The following SYNPO2 variants were observed in gnomAD, a reference collection of about 807,000 sequenced individuals.
SYNPO2 encodes the protein synaptopodin 2.
Under a neutral mutation model 85.0 loss-of-function variants are expected in SYNPO2, and 56 were observed. The ratio of observed to expected loss-of-function variants is 0.66; its 90% CI spans 0.53 to 0.82. SYNPO2 has a LOEUF of 0.82. Among genes scored for constraint, SYNPO2 ranks in the 40% least tolerant of loss-of-function variants. The pLI, the probability that SYNPO2 is intolerant of heterozygous loss-of-function variation, is 0.00. For synonymous variants in SYNPO2, 602 were observed against 591.1 expected, an observed-to-expected ratio of 1.02 and a Z score of -0.27; for missense variants, 1,575 against 1,534.2, an observed-to-expected ratio of 1.03 and a Z score of -0.44.
intron 1 of SYNPO2, among the ~76,000 whole-genome samples, chr4:118,892,054 A>T (rs1439583926): frequency 6.6e-6 from 1 of 152,186 alleles, no homozygotes; most frequent in East Asian, 1.9e-4. Flanking sequence ...TAAAAAATTG[A>T]ATAACTTTAT....
At chr4:119,007,971 T>C (rs1375606158) in intron 1 of SYNPO2, among the ~76,000 whole-genome samples, 1 of 152,184 alleles carries the variant, frequency 6.6e-6, no homozygotes, top group Non-Finnish European at 1.5e-5. Context: ...AGATACATTA[T>C]TATTTTCCAG....
chr4:119,031,887 G>A lies in SYNPO2; in HGVS notation c.3112G>A (p.Ala1038Thr). 6.2e-7 allele frequency: 1 copy of A among 1,614,136 alleles called. No individual in the cohort carries two copies. The change falls in exon 4 of 5, where the codon GCA (alanine) becomes ACA (threonine). Residue 1038 changes from alanine to threonine, a missense_variant. This residue lies in a region of SYNPO2 where 1,508 missense variants were observed against 1,446.8 expected (regional missense o/e 1.04). Coordinates refer to ENST00000307142, the MANE Select transcript of SYNPO2 (RefSeq NM_133477.3). The stretch of plus-strand genomic sequence containing the variant: ...CTATACCTCTCCTCCTTCCTTCTTT[G>A]CAGAGGCCTCCTCACCAGTCAGTGC... ...PAYTSPPSFF[A>T]EASSPVSASP... is the part of the protein sequence containing the mutation.
chr4:118,961,938 T>C (rs893664935), intron 1 of SYNPO2, among the ~76,000 whole-genome samples: 1 of 152,204 alleles, frequency 6.6e-6, no homozygotes, highest in Admixed American at 6.5e-5. Context: ...AAATCTTGTC[T>C]CTACTGACAG....
chr4:118,897,150 G>A (rs549537847), intron 1 of SYNPO2, among the ~76,000 whole-genome samples: 137 of 152,266 alleles, frequency 9.0e-4, no homozygotes, highest in African/African-American at 3.2e-3. Context: ...AGAAAGTGAA[G>A]GGGAAGCAAG....
rs1325890646 is a variant in SYNPO2, at chr4:119,027,438, C to T, written c.1069C>T (p.Arg357Trp). ...TCACAAGCACCGAGCGCGGCATGCACGTAAGTTCTGCCTGGGCTTTCAGAA... is the reference window on the plus strand; with the variant it reads ...TCACAAGCACCGAGCGCGGCATGCATGTAAGTTCTGCCTGGGCTTTCAGAA... ...RPHKHRARHA[R>W]LRRSESLSEK... is the part of the protein sequence containing the mutation. Residue 357 changes from arginine (R) to tryptophan (W), a missense_variant and splice_region_variant, in exon 3 of 5, where the codon CGG becomes TGG. Transcript: ENST00000307142. 3 of 1,581,234 alleles carry T rather than the reference C, an allele frequency of 1.9e-6. No homozygotes were observed. The highest frequency in any genetic ancestry group is 2.3e-5 in the South Asian group (2 of 88,450).
chr4:118,912,403 A>G (rs1733169734), intron 1 of SYNPO2, among the ~76,000 whole-genome samples: 1 of 152,014 alleles, frequency 6.6e-6, no homozygotes, highest in South Asian at 2.1e-4. Flanking sequence ...CTGGTCTCAA[A>G]CTCCTGGACT....
chr4:119,031,354 G>A lies in SYNPO2; in HGVS notation c.2579G>A (p.Gly860Glu), dbSNP rs976720630. 12 of 1,614,004 alleles carry A rather than the reference G, an allele frequency of 7.4e-6. No individual in the cohort carries two copies. Among genetic ancestry groups the A allele is most frequent in the Non-Finnish European group, 9.3e-6 (11 of 1,180,040 alleles). ...AATGCTGTTCAGCCTGGTGCAGTGG[G>A]ACCATCCAATGAGCTTCCAGGAATG... ...TVNAVQPGAV[G>E]PSNELPGMSG... The change falls in exon 4 of 5, where the codon GGA becomes GAA. Residue 860 changes from glycine (G) to glutamate (E), a missense_variant. Physicochemically the swap from Gly to Glu is moderately conservative, Grantham distance 98. This residue lies in a region of SYNPO2 where 1,508 missense variants were observed against 1,446.8 expected (regional missense o/e 1.04). Transcript: ENST00000307142.
intron 4 of SYNPO2, among the ~76,000 whole-genome samples, chr4:119,054,953 A>G (rs569790299): frequency 3.3e-5 from 5 of 152,146 alleles, no homozygotes; most frequent in African/African-American, 1.2e-4. Flanking sequence ...TCTGTAGACC[A>G]CTGTTGTTCT....
At chr4:119,034,777 A>G in intron 4 of SYNPO2, 1 of 985,512 alleles carries the variant, frequency 1.0e-6, no homozygotes, top group South Asian at 4.7e-5. Context: ...TATATGTGCC[A>G]CCTTTCAGGT....
chr4:118,966,951 G>A (rs1207389209), intron 1 of SYNPO2, among the ~76,000 whole-genome samples: 2 of 152,146 alleles, frequency 1.3e-5, no homozygotes, highest in Admixed American at 1.3e-4. Flanking sequence ...GTACCTCACA[G>A]TAAGTACATC....
In SYNPO2 at chr4:119,030,968, G is replaced by A. The variant is rs970546637; in HGVS notation, c.2193G>A (p.Pro731=). 5 of 1,613,994 alleles carry A rather than the reference G, an allele frequency of 3.1e-6. No homozygotes were observed. The highest frequency in any genetic ancestry group is 1.7e-5 in the Admixed American group (1 of 59,990). ...RGTGAGGDSG[P]EEDYLSLGAE... The stretch of plus-strand genomic sequence containing the variant: ...CTGGAGCTGGAGGTGATTCCGGACC[G>A]GAAGAAGACTACCTCAGCTTGGGGG... The change falls in exon 4 of 5, where the codon CCG becomes CCA. Residue 731 remains proline, a synonymous_variant. Coordinates refer to ENST00000307142, the MANE Select transcript of SYNPO2 (RefSeq NM_133477.3).
At chr4:118,973,922 A>G (rs1310914357) in intron 1 of SYNPO2, among the ~76,000 whole-genome samples, 3 of 152,208 alleles carry the variant, frequency 2.0e-5, no homozygotes, top group Non-Finnish European at 2.9e-5. Flanking sequence ...AACACAAGTA[A>G]ATTCTTCATT....
At chr4:119,012,304 C>A (rs1411231193) in intron 1 of SYNPO2, among the ~76,000 whole-genome samples, 1 of 151,286 alleles carries the variant, frequency 6.6e-6, no homozygotes, top group Non-Finnish European at 1.5e-5. Flanking sequence ...CCAGAGTGAT[C>A]TTTAGCCTGA....
At chr4:118,995,866 C>CTATCTATCTATTTATCT (rs767637606) in intron 1 of SYNPO2, among the ~76,000 whole-genome samples, 20 of 93,326 alleles carry the variant, frequency 2.1e-4, no homozygotes, top group African/African-American at 7.8e-4. Flanking sequence ...TTTATCTTAT[C>CTATCTATCTATTTATCT]TATCTATCTA....
At chr4:119,019,354 C>G (rs1737632132) in intron 1 of SYNPO2, among the ~76,000 whole-genome samples, 2 of 152,084 alleles carry the variant, frequency 1.3e-5, no homozygotes, top group Admixed American at 1.3e-4. Flanking sequence ...AGGATAAGAA[C>G]TCACTCAGGG....
At chr4:118,865,154 T>G (rs1731678196) in intron 1 of SYNPO2, among the ~76,000 whole-genome samples, 1 of 152,180 alleles carries the variant, frequency 6.6e-6, no homozygotes, top group African/African-American at 2.4e-5. Flanking sequence ...TGCTGGAGTC[T>G]TGGAGGAGGC....
intron 4 of SYNPO2, chr4:119,036,045 C>G (rs1738499757): frequency 1.0e-6 from 1 of 985,296 alleles, no homozygotes; most frequent in Non-Finnish European, 1.2e-6. Context: ...AAATAAAGGC[C>G]CTTGGCTGCG....
chr4:119,019,131 G>A (rs901243672), intron 1 of SYNPO2, among the ~76,000 whole-genome samples: 1 of 152,078 alleles, frequency 6.6e-6, no homozygotes, highest in Non-Finnish European at 1.5e-5. Flanking sequence ...ATTCCTGGGT[G>A]ATGCAGTAAT....
chr4:118,979,114 T>A (rs1304383324), intron 1 of SYNPO2, among the ~76,000 whole-genome samples: 2 of 152,156 alleles, frequency 1.3e-5, no homozygotes, highest in African/African-American at 2.4e-5. Flanking sequence ...GGCTTGCAGC[T>A]CCATGGCACC....
Sources: gnomAD v4.1 joint callset for allele counts (sites outside exome capture counted in the v4.1 genomes callset) on GRCh38, gnomAD v4.1.1 for gene constraint, gnomAD v4.1.1 regional missense constraint, MANE v1.5 for transcripts, NCBI Gene and HGNC (gene_info 2026-07-23, HGNC 2026-07-21) for gene names.